The following LRP5 variants were observed in gnomAD, a reference collection of about 807,000 sequenced individuals.
LRP5 encodes LDL receptor related protein 5.
A neutral mutation model predicts 154.1 loss-of-function variants in LRP5; 62 were observed. The observed-to-expected ratio is 0.40, with a 90% confidence interval of 0.33 to 0.50. The LOEUF (loss-of-function observed/expected upper bound fraction) is 0.50. Ranked by LOEUF, LRP5 falls within the 20% of genes least tolerant of loss-of-function variation. The pLI is 0.55. For synonymous variants in LRP5, 966 were observed against 1,011.5 expected (o/e 0.96, Z 0.85); for missense variants, 1,915 against 2,336.7 (o/e 0.82, Z 3.72).
chr11:68,439,610 TG>T (rs1239171897), intron 20 of LRP5, among the ~76,000 whole-genome samples, 166 bp from the exon 21 acceptor site: 1 of 152,212 alleles, frequency 6.6e-6, no homozygotes, highest in African/African-American at 2.4e-5. Context: ...ACTCTAGTAG[TG>T]GCCAGAGAGG....
At chr11:68,405,611 A>T (rs1249585259) in intron 8 of LRP5, among the ~76,000 whole-genome samples, 1 of 152,180 alleles carries the variant, frequency 6.6e-6, no homozygotes, top group Admixed American at 6.6e-5. Flanking sequence ...AAAGCTGAGA[A>T]ATTGGGCTTC....
Position 68,444,734 on chromosome 11 carries a change from G to A in LRP5, c.4489-1702G>A, listed in dbSNP as rs1040505114. ...GAATCTCAAACTGCCTTGGGATGTAGGAGAGAAACCAGGCCTGGTCAAGTT... is the reference window on the plus strand; with the variant it reads ...GAATCTCAAACTGCCTTGGGATGTAAGAGAGAAACCAGGCCTGGTCAAGTT... On this transcript the variant is annotated intron_variant, in intron 21 of 22. Transcript: ENST00000294304. Among the ~76,000 whole-genome samples the A allele has an allele frequency of 5.9e-5, 9 of 152,186 alleles. No homozygotes were observed. The East Asian group carries it at 1.7e-3, about 30-fold the overall frequency.
chr11:68,310,196 G>A (rs77394830), upstream of LRP5, among the ~76,000 whole-genome samples: 3 of 152,140 alleles, frequency 2.0e-5, no homozygotes, highest in Non-Finnish European at 4.4e-5. Context: ...GGTGTGGTTT[G>A]CAATTTTCAA....
At chr11:68,394,975 A>G (rs1339967228) in intron 7 of LRP5, among the ~76,000 whole-genome samples, 5 of 152,046 alleles carry the variant, frequency 3.3e-5, no homozygotes, top group Non-Finnish European at 7.4e-5. Flanking sequence ...TGAGCATGGT[A>G]GGACAGGAAA....
Position 68,386,677 on chromosome 11 carries a change from C to T in LRP5, c.1377C>T (p.Asp459=), listed in dbSNP as rs367873767. The change falls in exon 6 of 23, where the codon GAC becomes GAT. Residue 459 remains aspartate (D), a synonymous_variant. Coordinates refer to ENST00000294304, the MANE Select transcript of LRP5 (RefSeq NM_002335.4). The surrounding 1 kb of genome is among the most constrained non-coding windows in gnomAD (Gnocchi z 7.9). ...AGATCCTGGTGTCGGAGGACCTGGA[C>T]GAGCCCCGAGCCATCGCACTGCACC... ...SRKILVSEDL[D]EPRAIALHPV... 43 of 1,613,300 alleles carry T rather than the reference C, an allele frequency of 2.7e-5. No individual in the cohort carries two copies. The highest frequency in any genetic ancestry group is 3.3e-4 in the Middle Eastern group (2 of 6,062).
At chr11:68,305,326 A>G in the LRP5 span, among the ~76,000 whole-genome samples, 3 of 151,070 alleles carry the variant, frequency 2.0e-5, no homozygotes, top group African/African-American at 7.3e-5. Flanking sequence ...GATGAGTAAA[A>G]CTCCCTGAAG....
At chr11:68,314,127 C>G (rs117981783) in intron 1 of LRP5, among the ~76,000 whole-genome samples, 5 of 152,264 alleles carry the variant, frequency 3.3e-5, no homozygotes, top group Non-Finnish European at 7.3e-5. Context: ...AGGCCAGCGC[C>G]GCTCCTTTTT....
At chr11:68,313,563 G>A (rs1591161610) in intron 1 of LRP5, among the ~76,000 whole-genome samples, 2 of 152,226 alleles carry the variant, frequency 1.3e-5, no homozygotes, top group Admixed American at 6.5e-5. Flanking sequence ...TTCCCAGGGG[G>A]TGGAGTTGAG....
At chr11:68,309,771 G>A (rs1220229556), upstream of LRP5, among the ~76,000 whole-genome samples, 4 of 152,006 alleles carry the variant, frequency 2.6e-5, no homozygotes, top group South Asian at 2.1e-4. Context: ...TCCTGTGGCT[G>A]GAGCCCTGAG....
chr11:68,415,068 T>G (rs2098661765), intron 12 of LRP5, among the ~76,000 whole-genome samples: 1 of 152,222 alleles, frequency 6.6e-6, no homozygotes. Context: ...TGTAGCCCGC[T>G]GACGGTGCGC....
At chr11:68,305,221 T>A in the LRP5 span, among the ~76,000 whole-genome samples, 3 of 151,938 alleles carry the variant, frequency 2.0e-5, no homozygotes, top group Admixed American at 2.0e-4. Flanking sequence ...TCTCGTGAGA[T>A]CTGCTCATTT....
At chr11:68,411,693 C>G in intron 11 of LRP5, 73 bp downstream of exon 11, 4 of 1,483,158 alleles carry the variant, frequency 2.7e-6, no homozygotes, top group Non-Finnish European at 3.6e-6. Context: ...CCAGCCTCGC[C>G]GCACATACCC....
At position 68,413,914 on chromosome 11, in the gene LRP5, A is replaced by G; in HGVS notation, c.2729A>G (p.Asn910Ser). Residue 910 changes from asparagine to serine, a missense_variant, in exon 12 of 23, where the codon AAC (asparagine) becomes AGC (serine). By Grantham distance (46) the Asn-to-Ser change is conservative. Transcript: ENST00000294304. This position sits in a 1 kb window ranked among gnomAD's most constrained non-coding sequence, Gnocchi z 5.1. ...GGCCTCAATGACTGTATGCACAACA[A>G]CGGGCAGTGTGGGCAGCTGTGCCTT... ...QDGLNDCMHN[N>S]GQCGQLCLAI... 6.2e-7 allele frequency: 1 copy of G among 1,612,406 alleles called. No individual in the cohort carries two copies. The highest frequency in any genetic ancestry group is 8.5e-7 in the Non-Finnish European group (1 of 1,180,006).
chr11:68,363,591 A>C (rs2098629210), intron 3 of LRP5, among the ~76,000 whole-genome samples, 156 bp from the exon 4 acceptor site: 2 of 151,566 alleles, frequency 1.3e-5, no homozygotes, highest in Admixed American at 1.3e-4. Flanking sequence ...CGGGAGGCGG[A>C]GGTTGCAGTG....
At chr11:68,299,782 C>A in the LRP5 span, among the ~76,000 whole-genome samples, 14 of 134,312 alleles carry the variant, frequency 1.0e-4, no homozygotes, top group African/African-American at 3.5e-4. Flanking sequence ...GGGGTTTCAC[C>A]ATGTTGGCCA....
At chr11:68,424,629 A>G (rs1208104891) in intron 14 of LRP5, among the ~76,000 whole-genome samples, 1 of 152,180 alleles carries the variant, frequency 6.6e-6, no homozygotes, top group East Asian at 1.9e-4. Flanking sequence ...AGTAATGGAC[A>G]CTTGTTCTCT....
intron 1 of LRP5, among the ~76,000 whole-genome samples, chr11:68,325,708 GC>G (rs1376576573): frequency 6.6e-6 from 1 of 152,174 alleles, no homozygotes; most frequent in Admixed American, 6.5e-5. Context: ...GCCCATGCAG[GC>G]CCCCCTCACC....
chr11:68,298,552 T>C, the LRP5 span, among the ~76,000 whole-genome samples: 1 of 152,210 alleles, frequency 6.6e-6, no homozygotes, highest in Non-Finnish European at 1.5e-5. Flanking sequence ...GGGGTCTTCT[T>C]TGCCAGCTTT....
intron 18 of LRP5, 133 bp downstream of exon 18, chr11:68,433,971 T>A (rs1591322827): frequency 1.1e-6 from 1 of 871,840 alleles, no homozygotes; most frequent in East Asian, 2.7e-5. Context: ...GCCAAGTCTG[T>A]CTTTTAGGCC....
Sources: gnomAD v4.1 joint callset for allele counts (sites outside exome capture counted in the v4.1 genomes callset) on GRCh38, gnomAD v4.1.1 for gene constraint, Gnocchi (gnomAD v3.1) non-coding constraint, MANE v1.5 for transcripts, NCBI Gene and HGNC (gene_info 2026-07-23, HGNC 2026-07-21) for gene names.